The following DMD variants were observed in gnomAD, a reference collection of about 807,000 sequenced individuals.
DMD encodes the protein dystrophin.
DMD carries 63 observed loss-of-function variants against 330.1 expected under a neutral mutation model. The observed-to-expected ratio is 0.19, with a 90% confidence interval of 0.16 to 0.24. DMD has a LOEUF of 0.24. DMD is among the 10% of genes least tolerant of loss of function. The pLI, the probability that DMD is intolerant of heterozygous loss-of-function variation, is 1.00. For missense variants in DMD, 3,344 were observed against 2,684.1 expected, an observed-to-expected ratio of 1.25 and a Z score of -5.43; for synonymous variants, 1,223 against 959.8, an observed-to-expected ratio of 1.27 and a Z score of -5.07.
At chrX:33,203,318 A>C (rs2148835393) in intron 1 of DMD, among the ~76,000 whole-genome samples, 1 of 112,374 alleles carries the variant, frequency 8.9e-6, no homozygotes, top group Non-Finnish European at 1.9e-5. Flanking sequence ...AATGTTTTAC[A>C]CTGAAGGCTC....
chrX:32,270,546 C>T (rs959036344), intron 43 of DMD, among the ~76,000 whole-genome samples: 3 of 112,241 alleles, frequency 2.7e-5, no homozygotes, highest in South Asian at 7.3e-4. Flanking sequence ...AATGGGTTCA[C>T]TAACTGCCAA....
At chrX:31,838,756 T>C (rs1259055839) in intron 48 of DMD, among the ~76,000 whole-genome samples, 1 of 111,100 alleles carries the variant, frequency 9.0e-6, no homozygotes, top group Non-Finnish European at 1.9e-5. Flanking sequence ...GATAAGAAAA[T>C]GAAGCAAGGG....
chrX:32,394,694 A>G (rs2098027648), intron 30 of DMD, among the ~76,000 whole-genome samples: 1 of 110,158 alleles, frequency 9.1e-6, no homozygotes, highest in African/African-American at 3.3e-5. Context: ...TTCAATAGCA[A>G]TTGTGGAGAC....
chrX:32,055,121 T>C (rs1041946082), intron 44 of DMD, among the ~76,000 whole-genome samples: 1 of 111,418 alleles, frequency 9.0e-6, no homozygotes, highest in Non-Finnish European at 1.9e-5. Context: ...GCCTGTGTTC[T>C]ATCACAGAGC....
chrX:32,770,465 G>A (rs1569515648), intron 7 of DMD, among the ~76,000 whole-genome samples: 1 of 111,539 alleles, frequency 9.0e-6, no homozygotes, highest in Non-Finnish European at 1.9e-5. Flanking sequence ...ATGTTTACGT[G>A]TTCTTGGAGT....
chrX:32,663,764 A>G (rs760446774), intron 9 of DMD, among the ~76,000 whole-genome samples: 1 of 111,900 alleles, frequency 8.9e-6, no homozygotes, highest in African/African-American at 3.3e-5. Flanking sequence ...GGAGAAAAGG[A>G]AGCAAGGAAG....
At chrX:32,704,946 G>A (rs2064474439) in intron 7 of DMD, among the ~76,000 whole-genome samples, 1 of 112,182 alleles carries the variant, frequency 8.9e-6, no homozygotes, top group Admixed American at 9.5e-5. Context: ...TGCATACGAA[G>A]AGATTTATGT....
At chrX:31,959,700 T>G (rs982018453) in intron 45 of DMD, among the ~76,000 whole-genome samples, 10 of 110,403 alleles carry the variant, frequency 9.1e-5, no homozygotes, top group African/African-American at 3.0e-4. Flanking sequence ...CTCCATTTTT[T>G]GGGGATTCTA....
At chrX:32,503,764 C>T (rs1199213255) in intron 18 of DMD, among the ~76,000 whole-genome samples, 5 of 110,996 alleles carry the variant, frequency 4.5e-5, no homozygotes, top group Non-Finnish European at 7.6e-5. Flanking sequence ...CCATGTTGGC[C>T]AGGCTGGTCT....
At chrX:31,515,296 A>G (rs1047839308) in intron 55 of DMD, among the ~76,000 whole-genome samples, 2 of 111,676 alleles carry the variant, frequency 1.8e-5, no homozygotes, top group Non-Finnish European at 3.8e-5. Flanking sequence ...TCCTATGTAA[A>G]TGGAATTATT....
chrX:32,397,655 G>A (rs1055751375), intron 30 of DMD, among the ~76,000 whole-genome samples: 2 of 111,481 alleles, frequency 1.8e-5, no homozygotes, highest in Non-Finnish European at 3.8e-5. Flanking sequence ...ATATGGTAAA[G>A]GGCAAAATTA....
intron 1 of DMD, among the ~76,000 whole-genome samples, chrX:33,302,697 G>A (rs1342542978): frequency 9.0e-6 from 1 of 110,941 alleles, no homozygotes; most frequent in East Asian, 2.8e-4. Context: ...CTCCACACAC[G>A]TACAGCCACC....
intron 43 of DMD, among the ~76,000 whole-genome samples, chrX:32,234,299 A>G (rs912668423): frequency 3.2e-4 from 36 of 112,372 alleles, no homozygotes; most frequent in African/African-American, 1.2e-3. Context: ...ATGCAAGATG[A>G]GAGCATAGGA....
At chrX:32,574,805 T>G (rs956510031) in intron 13 of DMD, among the ~76,000 whole-genome samples, 1 of 111,873 alleles carries the variant, frequency 8.9e-6, no homozygotes, top group Non-Finnish European at 1.9e-5. Context: ...TCTATGTTAC[T>G]TTATACTACA....
chrX:33,249,349 C>G (rs751171939), intron 1 of DMD, among the ~76,000 whole-genome samples: 53 of 111,179 alleles, frequency 4.8e-4, no homozygotes, highest in African/African-American at 1.7e-3. Flanking sequence ...CCGGGTTTCA[C>G]CACGTTGGCC....
At chrX:32,594,962 T>C (rs1246751961) in intron 13 of DMD, among the ~76,000 whole-genome samples, 1 of 111,760 alleles carries the variant, frequency 8.9e-6, no homozygotes, top group Non-Finnish European at 1.9e-5. Flanking sequence ...TTCTCTCCAC[T>C]TGATTCCTTT....
At chrX:33,316,402 T>C (rs2053933317) in intron 1 of DMD, among the ~76,000 whole-genome samples, 1 of 111,233 alleles carries the variant, frequency 9.0e-6, no homozygotes, top group Non-Finnish European at 1.9e-5. Flanking sequence ...ATGGAAATAA[T>C]CCAGGTATAC....
chrX:32,737,527 T>C (rs1394276798), intron 7 of DMD, among the ~76,000 whole-genome samples: 1 of 111,489 alleles, frequency 9.0e-6, no homozygotes, highest in Non-Finnish European at 1.9e-5. Flanking sequence ...TATATTAGCA[T>C]GTAGTTTTGG....
intron 47 of DMD, among the ~76,000 whole-genome samples, chrX:31,897,176 G>C (rs1198335632): frequency 3.6e-5 from 4 of 109,673 alleles, no homozygotes; most frequent in African/African-American, 1.3e-4. Flanking sequence ...TGCGGTGTTT[G>C]GTTTTTTGTT....
Sources: allele counts gnomAD v4.1 joint callset (sites outside exome capture counted in the v4.1 genomes callset), GRCh38; gene constraint gnomAD v4.1.1; transcripts MANE v1.5; gene names NCBI Gene and HGNC (gene_info 2026-07-23, HGNC 2026-07-21).